NSG1: variants seen among roughly 807,000 people sequenced by gnomAD.
The protein encoded by NSG1 is neuronal vesicle trafficking-associated protein 1.
In NSG1, 9 loss-of-function variants were observed where a neutral mutation model predicts 19.3. The observed-to-expected ratio is 0.47, with a 90% confidence interval of 0.28 to 0.81. NSG1 has a LOEUF of 0.81. Ranked by LOEUF, NSG1 falls within the 40% of genes least tolerant of loss-of-function variation. The probability of loss-of-function intolerance (pLI) is 0.11; values close to 1 mark genes in which losing one functional copy is unlikely to be tolerated. For synonymous variants in NSG1, 104 were observed against 107.0 expected, an observed-to-expected ratio of 0.97 and a Z score of 0.17; for missense variants, 236 against 242.4, an observed-to-expected ratio of 0.97 and a Z score of 0.18.
Position 4,417,506 on chromosome 4 carries a change from A to C in NSG1, c.*71A>C. 1 of 1,365,786 alleles carries C rather than the reference A, an allele frequency of 7.3e-7. No homozygotes were observed. The highest frequency in any genetic ancestry group is 1.0e-6 in the Non-Finnish European group (1 of 960,988). 84.6% of individuals were successfully genotyped at this position (1,365,786 alleles called of 1,614,324 possible). A position where few individuals can be genotyped will look rare whatever the true frequency, so the allele number is the denominator to read the frequency against. On this transcript the variant is annotated 3_prime_UTR_variant, in exon 5 of 5. Transcript: ENST00000621129. ...GGGACTTTGAGGGACATTTCATTAA[A>C]TATAATTACTGATACTTTAGAGGTT...
At position 4,418,466 on chromosome 4, in the gene NSG1, A is replaced by G. The variant is rs1263279890; in HGVS notation, c.*1031A>G. On this transcript the variant is annotated 3_prime_UTR_variant, in exon 5 of 5. Coordinates refer to ENST00000621129, the MANE Select transcript of NSG1 (RefSeq NM_014392.5). ...GGACTGGTGTGGCACCGTGCAAACA[A>G]AATGACAAATTTCAACTCACAATCT... The G allele has an allele frequency of 6.5e-6, 1 of 152,684 alleles. No individual in the cohort carries two copies. Among genetic ancestry groups the G allele is most frequent in the African/African-American group, 2.4e-5 (1 of 41,456 alleles). The allele number at this position is 152,684 out of a possible 1,614,324, so 9.5% of individuals were successfully genotyped here. A position where few individuals can be genotyped will look rare whatever the true frequency, so the allele number is the denominator to read the frequency against.
At chr4:4,410,628 G>T (rs1164740889) in intron 4 of NSG1, among the ~76,000 whole-genome samples, 2 of 152,138 alleles carry the variant, frequency 1.3e-5, no homozygotes, top group African/African-American at 4.8e-5. Flanking sequence ...ACGTTATAAC[G>T]CATGGTCCAC....
At chr4:4,410,421 C>A (rs1724112272) in intron 4 of NSG1, among the ~76,000 whole-genome samples, 1 of 152,214 alleles carries the variant, frequency 6.6e-6, no homozygotes, top group Non-Finnish European at 1.5e-5. Flanking sequence ...TTAGGCGACT[C>A]CATCATTGTG....
At chr4:4,404,568 A>G (rs1723751179) in intron 3 of NSG1, among the ~76,000 whole-genome samples, 1 of 152,128 alleles carries the variant, frequency 6.6e-6, no homozygotes, top group South Asian at 2.1e-4. Context: ...TGAACGATGG[A>G]GTTGCTGGTG....
At chr4:4,406,788 C>T (rs536170872) in intron 3 of NSG1, among the ~76,000 whole-genome samples, 8 of 152,312 alleles carry the variant, frequency 5.3e-5, no homozygotes, top group Middle Eastern at 3.4e-3. Context: ...GAGCTAGAGC[C>T]GCAGGGTCTG....
chr4:4,416,844 A>G (rs1314747710), intron 4 of NSG1, among the ~76,000 whole-genome samples: 2 of 152,184 alleles, frequency 1.3e-5, no homozygotes, highest in African/African-American at 4.8e-5. Flanking sequence ...AACCTAGCTC[A>G]AGGGAAGCTC....
chr4:4,416,077 C>T (rs1724515821), intron 4 of NSG1: 1 of 702,364 alleles, frequency 1.4e-6, no homozygotes, highest in East Asian at 2.7e-5. Flanking sequence ...CACATCCTGG[C>T]TTCTTTACTT....
rs1161754574 is a variant in NSG1 at position 4,402,371 on chromosome 4, A to ATTTTTTTTTTTT, written c.247-7179_247-7168dup. 7.4e-5 allele frequency among the ~76,000 whole-genome samples: 4 copies of ATTTTTTTTTTTT among 53,910 alleles called. 1 individual carries two copies. The highest frequency in any genetic ancestry group is 2.4e-4 in the African/African-American group (4 of 16,482). The allele number at this position is 53,910 out of a possible 152,430, so 35.4% of individuals were successfully genotyped here. A position where few individuals can be genotyped will look rare whatever the true frequency, so the allele number is the denominator to read the frequency against. On this transcript the variant is annotated intron_variant, in intron 3 of 4. Coordinates refer to ENST00000621129, the MANE Select transcript of NSG1 (RefSeq NM_014392.5). ...TAGACACGCAGCACCACGCCTGGTT[A>ATTTTTTTTTTTT]TTTTTTTTTTTTTTTTTTTTTTTTT...
chr4:4,404,989 C>T (rs9993572), intron 3 of NSG1, among the ~76,000 whole-genome samples: 5,468 of 152,108 alleles, frequency 0.036, 308 homozygotes, highest in African/African-American at 0.13. Context: ...CAGTCCTGAC[C>T]CCTGTGAAGT....
chr4:4,413,760 C>T (rs952524903), intron 4 of NSG1, among the ~76,000 whole-genome samples: 2 of 151,636 alleles, frequency 1.3e-5, no homozygotes, highest in Non-Finnish European at 2.9e-5. Context: ...CCTGGGGAGG[C>T]TGGAGATTGG....
intron 2 of NSG1, among the ~76,000 whole-genome samples, chr4:4,389,279 T>C (rs1045712007): frequency 1.3e-5 from 2 of 152,158 alleles, no homozygotes; most frequent in Non-Finnish European, 2.9e-5. Flanking sequence ...ACTAATTAGG[T>C]CGACCAGGAG....
Position 4,417,358 on chromosome 4 carries a change from G to A in NSG1, c.481G>A (p.Val161Ile), listed in dbSNP as rs771703231. 24 of 1,614,166 alleles carry A rather than the reference G, an allele frequency of 1.5e-5. No individual in the cohort carries two copies. In the Middle Eastern group the frequency reaches 4.9e-4, roughly 33 times the overall value. ...GGCCAAGCAGAGCATCACGCGCTCC[G>A]TATCGCCCTGGATGTCAGTTCTGTC... ...NLAKQSITRS[V>I]SPWMSVLSEE... The change falls in exon 5 of 5, where the codon GTA becomes ATA. Residue 161 changes from valine (V) to isoleucine (I), a missense_variant. Physicochemically the swap from Val to Ile is conservative, Grantham distance 29 (BLOSUM62 3). Transcript: ENST00000621129.
intron 3 of NSG1, among the ~76,000 whole-genome samples, chr4:4,402,368 G>GTTCTTT (rs1560143233): frequency 1.0e-5 from 1 of 99,604 alleles, no homozygotes; most frequent in African/African-American, 4.2e-5. Context: ...ACCACGCCTG[G>GTTCTTT]TTATTTTTTT....
At chr4:4,416,313 C>T (rs373401172) in intron 4 of NSG1, 27 of 667,736 alleles carry the variant, frequency 4.0e-5, no homozygotes, top group East Asian at 1.4e-4. Flanking sequence ...GAAGCACATT[C>T]CATTTGTCAT....
At chr4:4,408,387 C>T (rs970823857) in intron 3 of NSG1, among the ~76,000 whole-genome samples, 5 of 152,190 alleles carry the variant, frequency 3.3e-5, no homozygotes, top group African/African-American at 9.7e-5. Flanking sequence ...TCCTCCCACC[C>T]GGCCAGGGAG....
intron 3 of NSG1, among the ~76,000 whole-genome samples, chr4:4,396,103 C>T (rs1273603835): frequency 6.6e-6 from 1 of 152,222 alleles, no homozygotes; most frequent in Non-Finnish European, 1.5e-5. Context: ...AAAGCAGTCG[C>T]TTAATTAACT....
At chr4:4,403,987 A>T (rs1425154536) in intron 3 of NSG1, among the ~76,000 whole-genome samples, 2 of 152,162 alleles carry the variant, frequency 1.3e-5, no homozygotes, top group African/African-American at 4.8e-5. Context: ...AGGCATCTGG[A>T]GAGTTTTAAA....
intron 4 of NSG1, chr4:4,415,864 G>A: frequency 1.9e-6 from 1 of 524,442 alleles, no homozygotes; most frequent in South Asian, 2.2e-5. Context: ...GGGCGTGGCG[G>A]TGAGGCTGGA....
At chr4:4,398,987 A>G (rs1393687082) in intron 3 of NSG1, among the ~76,000 whole-genome samples, 1 of 152,206 alleles carries the variant, frequency 6.6e-6, no homozygotes, top group Non-Finnish European at 1.5e-5. Context: ...ATCCTAGTGG[A>G]TATGAAGTAG....
Sources: allele counts gnomAD v4.1 joint callset (sites outside exome capture counted in the v4.1 genomes callset), GRCh38; gene constraint gnomAD v4.1.1; transcripts MANE v1.5; gene names NCBI Gene and HGNC (gene_info 2026-07-23, HGNC 2026-07-21).